XKR4: variants seen among roughly 807,000 people sequenced by gnomAD.
The protein encoded by XKR4 is XK-related protein 4.
A neutral mutation model predicts 53.9 loss-of-function variants in XKR4; 12 were observed. The ratio of observed to expected loss-of-function variants is 0.22; its 90% CI spans 0.14 to 0.36. XKR4 has a LOEUF of 0.36. Ranked by LOEUF, XKR4 falls within the 10% of genes least tolerant of loss-of-function variation. The pLI is 1.00. For synonymous variants in XKR4, 354 were observed against 362.4 expected (o/e 0.98, Z 0.26); for missense variants, 799 against 859.5 (o/e 0.93, Z 0.88).
At chr8:55,147,315 T>C (rs1217437004) in intron 1 of XKR4, among the ~76,000 whole-genome samples, 1 of 152,186 alleles carries the variant, frequency 6.6e-6, no homozygotes, top group Non-Finnish European at 1.5e-5. Flanking sequence ...CCAGTAGCCA[T>C]AAGCAAGAGA....
At chr8:55,158,882 G>A (rs1178616268) in intron 1 of XKR4, among the ~76,000 whole-genome samples, 3 of 152,160 alleles carry the variant, frequency 2.0e-5, no homozygotes, top group Non-Finnish European at 4.4e-5. Context: ...GGTTACTGTA[G>A]CCTTGTAGTG....
At chr8:55,464,001 A>G (rs573379994) in intron 2 of XKR4, among the ~76,000 whole-genome samples, 131 of 152,290 alleles carry the variant, frequency 8.6e-4, no homozygotes, top group Non-Finnish European at 1.5e-3. Context: ...ACCAACCAAA[A>G]AAAGTCCAGG....
chr8:55,237,291 A>G (rs1405073748), intron 1 of XKR4, among the ~76,000 whole-genome samples: 1 of 152,232 alleles, frequency 6.6e-6, no homozygotes, highest in Admixed American at 6.5e-5. Context: ...TTGCCTCCCC[A>G]AAAACTTAAA....
chr8:55,449,777 C>T (rs1259391474), intron 2 of XKR4: 1 of 1,181,772 alleles, frequency 8.5e-7, no homozygotes, highest in Non-Finnish European at 1.3e-6. Flanking sequence ...CATGAACCAG[C>T]GGGCCTTCCA....
At chr8:55,502,169 G>A (rs1806453111) in intron 2 of XKR4, among the ~76,000 whole-genome samples, 1 of 152,078 alleles carries the variant, frequency 6.6e-6, no homozygotes, top group South Asian at 2.1e-4. Flanking sequence ...TTTTTTCAAT[G>A]TTTTTCAAAT....
intron 1 of XKR4, among the ~76,000 whole-genome samples, chr8:55,261,445 A>G (rs910010098): frequency 6.6e-6 from 1 of 152,152 alleles, no homozygotes; most frequent in African/African-American, 2.4e-5. Context: ...TAAAAATATT[A>G]TTTTCTTTTC....
At chr8:55,522,905 CAG>C (rs985970904) in intron 2 of XKR4, among the ~76,000 whole-genome samples, 3 of 152,148 alleles carry the variant, frequency 2.0e-5, no homozygotes, top group African/African-American at 7.2e-5. Flanking sequence ...TTAGAGAAGA[CAG>C]ATACGAGGAT....
rs983545787 is a variant in XKR4, at chr8:55,105,926, A to G, written c.806+2632A>G. ...TAGACGCATCTTTGCTAATAAGCCG[A>G]CGAAGTGCAACTCATCTCAGATTTT... On this transcript the variant is annotated intron_variant, in intron 1 of 2. Transcript: ENST00000327381. Among the ~76,000 whole-genome samples the G allele has an allele frequency of 1.3e-4, 20 of 152,196 alleles. 1 individual carries two copies. The highest frequency in any genetic ancestry group is 6.5e-5 in the Admixed American group (1 of 15,278).
chr8:55,256,508 C>A (rs997405846), intron 1 of XKR4, among the ~76,000 whole-genome samples: 3 of 152,136 alleles, frequency 2.0e-5, no homozygotes, highest in Non-Finnish European at 2.9e-5. Flanking sequence ...ATTTAGGAAA[C>A]AATATCAGCA....
chr8:55,477,492 A>C (rs1806013121), intron 2 of XKR4, among the ~76,000 whole-genome samples: 2 of 152,180 alleles, frequency 1.3e-5, no homozygotes, highest in Admixed American at 1.3e-4. Flanking sequence ...TCTAAAAAGC[A>C]GAGCGCCTCT....
chr8:55,454,614 C>T (rs1585582759), intron 2 of XKR4: 2 of 1,281,600 alleles, frequency 1.6e-6, no homozygotes, highest in East Asian at 4.8e-5. Flanking sequence ...AATAAATCGT[C>T]CTCTACTAGC....
chr8:55,259,455 C>T (rs1818485845), intron 1 of XKR4, among the ~76,000 whole-genome samples: 1 of 152,100 alleles, frequency 6.6e-6, no homozygotes, highest in African/African-American at 2.4e-5. Flanking sequence ...CAGAGAATGA[C>T]GGAGAGTGCC....
intron 1 of XKR4, among the ~76,000 whole-genome samples, chr8:55,212,115 GAA>G (rs752591849): frequency 3.7e-5 from 5 of 133,548 alleles, no homozygotes; most frequent in Non-Finnish European, 3.2e-5. Context: ...GTGTCTGGGT[GAA>G]AAAAAAAAAA....
intron 1 of XKR4, among the ~76,000 whole-genome samples, chr8:55,195,242 A>G (rs1817490084): frequency 9.0e-6 from 1 of 111,222 alleles, no homozygotes; most frequent in African/African-American, 3.1e-5. Context: ...GTTAATAATT[A>G]TCTATCAAAA....
chr8:55,209,407 G>T (rs1250584598), intron 1 of XKR4, among the ~76,000 whole-genome samples: 3 of 152,152 alleles, frequency 2.0e-5, no homozygotes, highest in Non-Finnish European at 4.4e-5. Flanking sequence ...CTAGTGATGG[G>T]TCTGGAATTT....
intron 1 of XKR4, among the ~76,000 whole-genome samples, chr8:55,285,906 T>A (rs776418086): frequency 7.9e-5 from 12 of 152,242 alleles, no homozygotes; most frequent in African/African-American, 1.2e-4. Flanking sequence ...CACAGCAGTT[T>A]GATGGTGACA....
chr8:55,488,388 A>G (rs1806224921), intron 2 of XKR4, among the ~76,000 whole-genome samples: 1 of 152,222 alleles, frequency 6.6e-6, no homozygotes, highest in Admixed American at 6.5e-5. Context: ...TGTGCACACA[A>G]ATGTTTACAA....
chr8:55,500,206 CAA>C (rs1477420318), intron 2 of XKR4, among the ~76,000 whole-genome samples: 3 of 112,772 alleles, frequency 2.7e-5, no homozygotes, highest in African/African-American at 1.1e-4. Flanking sequence ...AAAAAAAAAA[CAA>C]TGTAACAAGA....
chr8:55,518,371 T>C (rs913707848), intron 2 of XKR4, among the ~76,000 whole-genome samples: 1 of 152,220 alleles, frequency 6.6e-6, no homozygotes, highest in Non-Finnish European at 1.5e-5. Flanking sequence ...TCTTTCTTTT[T>C]TTCCTTCCGT....
Sources: allele counts gnomAD v4.1 joint callset (sites outside exome capture counted in the v4.1 genomes callset), GRCh38; gene constraint gnomAD v4.1.1; transcripts MANE v1.5; gene names NCBI Gene and HGNC (gene_info 2026-07-23, HGNC 2026-07-21).